Variants in ATP8B1 observed in about 807,000 individuals in gnomAD.
ATP8B1 encodes the protein phospholipid-transporting ATPase IC.
A neutral mutation model predicts 149.9 loss-of-function variants in ATP8B1; 80 were observed. The ratio of observed to expected loss-of-function variants is 0.53; its 90% confidence interval spans 0.45 to 0.64. The LOEUF (loss-of-function observed/expected upper bound fraction) is 0.64, where lower values mean the gene tolerates loss of function less well. Ranked by LOEUF, ATP8B1 falls within the 30% of genes least tolerant of loss-of-function variation. The pLI is 0.00. For synonymous variants in ATP8B1, 536 were observed against 562.8 expected (o/e 0.95, Z 0.67); for missense variants, 1,247 against 1,552.6 (o/e 0.80, Z 3.31).
rs184197417 is a variant in ATP8B1, at chr18:57,691,789, C to T, written c.1220+18G>A. 1.9e-6 allele frequency: 3 copies of T among 1,613,562 alleles called. No individual in the cohort carries two copies. Among genetic ancestry groups the T allele is most frequent in the South Asian group, 2.2e-5 (2 of 90,982 alleles). Reference sequence around the variant, plus strand: ...ACATTCTTCCATTAAAGCAAAATGCCAGAGAGGACAGCCTTACCTGACATA... The same window carrying T: ...ACATTCTTCCATTAAAGCAAAATGCTAGAGAGGACAGCCTTACCTGACATA... On this transcript the variant is annotated intron_variant, in intron 12 of 27. Transcript: ENST00000648908.
rs146711576 is a variant in ATP8B1, at chr18:57,681,937, G to A, written c.1630+2099C>T. On this transcript the variant is annotated intron_variant, in intron 15 of 27. Coordinates refer to ENST00000648908, the MANE Select transcript of ATP8B1 (RefSeq NM_001374385.1). Reference sequence around the variant, plus strand: ...ACTAGAAGCCAACATGTCTCTATTCGTACAACCCTTGACCTCAGCTGACAG... The same window carrying A: ...ACTAGAAGCCAACATGTCTCTATTCATACAACCCTTGACCTCAGCTGACAG... Among the ~76,000 whole-genome samples the A allele has an allele frequency of 2.1e-3, 325 of 151,950 alleles. 10 individuals are homozygous for A. In the East Asian group the frequency reaches 0.048, roughly 22 times the overall value.
intron 1 of ATP8B1, among the ~76,000 whole-genome samples, chr18:57,757,770 C>T (rs993987594): frequency 3.3e-5 from 5 of 152,188 alleles, no homozygotes; most frequent in African/African-American, 4.8e-5. Flanking sequence ...AGTATCACTA[C>T]ATAAAGTATA....
rs1182499342 is a variant in ATP8B1 at position 57,648,527 on chromosome 18, C to T, written c.3717G>A (p.Ala1239=). 3.7e-6 allele frequency: 6 copies of T among 1,611,478 alleles called. No homozygotes were observed. Among genetic ancestry groups the T allele is most frequent in the East Asian group, 2.2e-5 (1 of 44,874 alleles). The change falls in exon 28 of 28, where the codon GCG becomes GCA. Residue 1239 remains alanine (A), a synonymous_variant. Transcript: ENST00000648908. The part of the protein sequence containing the change: ...KKRSPLDAIV[A]DGTAEYRRTG... Reference sequence around the variant, plus strand: ...TGCGCCTGTACTCCGCGGTGCCATCCGCCACGATGGCATCAAGCGGCGAGC... The same window carrying T: ...TGCGCCTGTACTCCGCGGTGCCATCTGCCACGATGGCATCAAGCGGCGAGC...
chr18:57,667,305 C>A (rs1910928212), intron 19 of ATP8B1, 138 bp from the exon 20 acceptor site: 2 of 699,176 alleles, frequency 2.9e-6, no homozygotes, highest in Non-Finnish European at 5.0e-6. Context: ...ACAGCCTCAA[C>A]CTCCAGGATT....
chr18:57,680,945 A>G (rs999836463), intron 15 of ATP8B1, among the ~76,000 whole-genome samples: 4 of 152,158 alleles, frequency 2.6e-5, no homozygotes, highest in Non-Finnish European at 5.9e-5. Flanking sequence ...GGAGTCTGCA[A>G]TGGCCTCAAG....
chr18:57,704,763 CAAAG>C, intron 3 of ATP8B1, 95 bp from the exon 4 acceptor site: 1 of 793,330 alleles, frequency 1.3e-6, no homozygotes, highest in Non-Finnish European at 2.2e-6. Flanking sequence ...CTTACAGTGA[CAAAG>C]GAACATCATC....
intron 27 of ATP8B1, 123 bp downstream of exon 27, chr18:57,650,244 A>G: frequency 1.6e-6 from 2 of 1,245,204 alleles, no homozygotes; most frequent in Non-Finnish European, 2.3e-6. Flanking sequence ...AAAGAGAAGC[A>G]ATCATGAAAA....
intron 15 of ATP8B1, among the ~76,000 whole-genome samples, chr18:57,676,717 CA>C (rs58101846): frequency 0.46 from 41,913 of 91,902 alleles, 5,610 homozygotes; most frequent in East Asian, 0.6. Context: ...GACTCCATTT[CA>C]AAAAAAAAAA....
intron 1 of ATP8B1, among the ~76,000 whole-genome samples, chr18:57,749,702 A>C (rs1275880995): frequency 6.6e-6 from 1 of 152,056 alleles, no homozygotes; most frequent in Non-Finnish European, 1.5e-5. Context: ...GCTCTGGCTG[A>C]ATTGTCTAGA....
chr18:57,736,582 T>G (rs1291633596), intron 1 of ATP8B1, among the ~76,000 whole-genome samples: 4 of 148,998 alleles, frequency 2.7e-5, no homozygotes, highest in Non-Finnish European at 4.5e-5. Context: ...TACCTCAGCA[T>G]CCCAAGTAAC....
intron 22 of ATP8B1, among the ~76,000 whole-genome samples, chr18:57,660,002 C>T (rs1045739647): frequency 3.3e-5 from 5 of 152,040 alleles, no homozygotes; most frequent in African/African-American, 1.2e-4. Context: ...TTTTCTTTTC[C>T]GATGAGAAAA....
intron 13 of ATP8B1, among the ~76,000 whole-genome samples, chr18:57,687,615 C>G (rs1253557716): frequency 6.6e-6 from 1 of 152,110 alleles, no homozygotes; most frequent in Non-Finnish European, 1.5e-5. Context: ...ATCCATTCAT[C>G]CATTGATGAA....
chr18:57,713,196 T>TTCC (rs1913790895), intron 2 of ATP8B1, among the ~76,000 whole-genome samples: 67 of 89,960 alleles, frequency 7.4e-4, no homozygotes, highest in Middle Eastern at 5.3e-3. Flanking sequence ...TCTTTCTTTC[T>TTCC]TTCCTTCCTT....
At chr18:57,722,912 G>C (rs1315054892) in intron 2 of ATP8B1, among the ~76,000 whole-genome samples, 1 of 149,884 alleles carries the variant, frequency 6.7e-6, no homozygotes, top group African/African-American at 2.5e-5. Context: ...GATCAAGTGG[G>C]CTTCATCCCT....
At chr18:57,794,083 A>G (rs1341874403) in intron 1 of ATP8B1, among the ~76,000 whole-genome samples, 1 of 152,150 alleles carries the variant, frequency 6.6e-6, no homozygotes, top group Non-Finnish European at 1.5e-5. Context: ...GTTGGCATTA[A>G]ATAGGAAAGT....
chr18:57,765,572 G>A (rs1345615558), intron 1 of ATP8B1, among the ~76,000 whole-genome samples: 4 of 151,800 alleles, frequency 2.6e-5, no homozygotes, highest in Admixed American at 1.3e-4. Flanking sequence ...AGGAGGTTAA[G>A]GCAGGAAAAT....
rs1366362693 is a variant in ATP8B1, at chr18:57,647,294, A to G, written c.*1194T>C. 1 of 152,218 alleles carries G rather than the reference A, an allele frequency of 6.6e-6. No individual in the cohort carries two copies. Among genetic ancestry groups the G allele is most frequent in the African/African-American group, 2.4e-5 (1 of 41,458 alleles). The allele number at this position is 152,218 out of a possible 1,614,324, so 9.4% of individuals were successfully genotyped here. ...TGGGAAGCTGCTAAAATAATATTTG[A>G]TAGTAAAAGTATGTAATGTGCTATC... On this transcript the variant is annotated 3_prime_UTR_variant, in exon 28 of 28. Transcript: ENST00000648908.
intron 12 of ATP8B1, 115 bp from the exon 13 acceptor site, chr18:57,688,622 G>T: frequency 9.7e-7 from 1 of 1,028,358 alleles, no homozygotes. Flanking sequence ...GCTATGGTCT[G>T]AATGTTAGAA....
chr18:57,667,164 G>A lies in ATP8B1; in HGVS notation c.2213C>T (p.Thr738Ile), dbSNP rs1294948223. Residue 738 changes from threonine (T) to isoleucine (I), a missense_variant, in exon 20 of 28, where the codon ACT becomes ATT. Physicochemically the swap from Thr to Ile is moderately conservative, Grantham distance 89 (BLOSUM62 -1). Around this residue, in one of 3 missense-constraint regions of ATP8B1, gnomAD observed 853 missense variants for 1,035.7 expected, o/e 0.82. Coordinates refer to ENST00000648908, the MANE Select transcript of ATP8B1 (RefSeq NM_001374385.1). ...ACAAGCAAATCCTATATTTTCAGCA[G>A]TTTCTACAATAGAATAAAATTAAGT... ...IWVLTGDKKE[T>I]AENIGFACEL... is the part of the protein sequence containing the mutation. The A allele has an allele frequency of 1.9e-6, 3 of 1,607,896 alleles. No homozygotes were observed. Among genetic ancestry groups the A allele is most frequent in the Non-Finnish European group, 2.6e-6 (3 of 1,174,406 alleles).
Sources: gnomAD v4.1 joint callset for allele counts (sites outside exome capture counted in the v4.1 genomes callset) on GRCh38, gnomAD v4.1.1 for gene constraint, gnomAD v4.1.1 regional missense constraint, MANE v1.5 for transcripts, NCBI Gene and HGNC (gene_info 2026-07-23, HGNC 2026-07-21) for gene names.